CDYL: variants seen among roughly 807,000 people sequenced by gnomAD.
The protein encoded by CDYL is chromodomain Y-like protein.
CDYL carries 8 observed loss-of-function variants against 47.3 expected under a neutral mutation model. The observed-to-expected ratio is 0.17, with a 90% CI of 0.10 to 0.31. The LOEUF (loss-of-function observed/expected upper bound fraction) is 0.31, where lower values mean the gene tolerates loss of function less well. Among genes scored for constraint, CDYL ranks in the 10% least tolerant of loss-of-function variants. CDYL has a pLI of 1.00. For synonymous variants in CDYL, 266 were observed against 265.0 expected, an observed-to-expected ratio of 1.00 and a Z score of -0.04; for missense variants, 471 against 701.4, an observed-to-expected ratio of 0.67 and a Z score of 3.71.
chr6:4,820,356 G>A (rs1001825969), intron 1 of CDYL, among the ~76,000 whole-genome samples: 1 of 152,192 alleles, frequency 6.6e-6, no homozygotes, highest in Non-Finnish European at 1.5e-5. Flanking sequence ...CTGATGTTAG[G>A]CTATAAAGCT....
intron 2 of CDYL, among the ~76,000 whole-genome samples, chr6:4,897,790 G>GT (rs375666284): frequency 5.0e-5 from 7 of 140,220 alleles, no homozygotes; most frequent in African/African-American, 1.6e-4. Context: ...GAAGGTTTTT[G>GT]TTTTTTTTTT....
intron 1 of CDYL, among the ~76,000 whole-genome samples, chr6:4,817,367 A>C (rs936775179): frequency 2.0e-5 from 3 of 151,010 alleles, no homozygotes; most frequent in Non-Finnish European, 2.9e-5. Flanking sequence ...AAAAAAAAAA[A>C]AACTGTGAAA....
intron 1 of CDYL, among the ~76,000 whole-genome samples, chr6:4,778,676 T>C (rs998919911): frequency 3.3e-5 from 5 of 152,088 alleles, no homozygotes; most frequent in Admixed American, 3.3e-4. Flanking sequence ...TATTTTAGTT[T>C]TGGAAAAAAA....
At chr6:4,845,673 T>G (rs1341196541) in intron 1 of CDYL, among the ~76,000 whole-genome samples, 1 of 152,234 alleles carries the variant, frequency 6.6e-6, no homozygotes, top group Non-Finnish European at 1.5e-5. Flanking sequence ...ATAGACAGTA[T>G]GCAAACAAAT....
At chr6:4,926,765 C>T (rs1757885549) in intron 2 of CDYL, among the ~76,000 whole-genome samples, 1 of 152,234 alleles carries the variant, frequency 6.6e-6, no homozygotes, top group Admixed American at 6.5e-5. Context: ...AATAAACTCA[C>T]ATGGAAACAT....
intron 2 of CDYL, among the ~76,000 whole-genome samples, chr6:4,898,058 C>T (rs1342783520): frequency 6.6e-6 from 1 of 151,298 alleles, no homozygotes; most frequent in Non-Finnish European, 1.5e-5. Context: ...ACTGCGTCTC[C>T]ACCAAAAAAA....
upstream of CDYL, among the ~76,000 whole-genome samples, chr6:4,773,416 T>C (rs1758368448): frequency 6.6e-6 from 1 of 152,162 alleles, no homozygotes; most frequent in Non-Finnish European, 1.5e-5. The surrounding 1 kb of genome is among the most constrained non-coding windows in gnomAD (Gnocchi z 4.6). Context: ...ACTACAGAAC[T>C]TCACTGTTTC....
At chr6:4,800,783 GAGA>G (rs1201204969) in intron 1 of CDYL, among the ~76,000 whole-genome samples, 6 of 152,104 alleles carry the variant, frequency 3.9e-5, no homozygotes, top group Non-Finnish European at 4.4e-5. Flanking sequence ...AGTTTCTAAG[GAGA>G]AGTCTTTGTT....
intron 4 of CDYL, among the ~76,000 whole-genome samples, chr6:4,938,984 A>C (rs1188122887): frequency 6.6e-6 from 1 of 152,222 alleles, no homozygotes; most frequent in African/African-American, 2.4e-5. Context: ...CATCAACATG[A>C]AAGTTGGCTA....
At chr6:4,756,578 GTA>G (rs1554134030) in intron 3 of CDYL, among the ~76,000 whole-genome samples, 48 of 141,090 alleles carry the variant, frequency 3.4e-4, no homozygotes, top group South Asian at 2.1e-3. Flanking sequence ...ATTATCGTGT[GTA>G]TGTGTGTGTG....
At chr6:4,834,883 G>A (rs1760251444) in intron 1 of CDYL, among the ~76,000 whole-genome samples, 1 of 151,976 alleles carries the variant, frequency 6.6e-6, no homozygotes, top group Non-Finnish European at 1.5e-5. Flanking sequence ...TGAGGCTTCT[G>A]TATTCTTCAC....
intron 2 of CDYL, among the ~76,000 whole-genome samples, chr6:4,921,792 A>T (rs1757724447): frequency 6.6e-6 from 1 of 152,040 alleles, no homozygotes; most frequent in African/African-American, 2.4e-5. Flanking sequence ...GACATGCCAT[A>T]TACTTTTTTT....
At chr6:4,946,845 C>G (rs963308908) in intron 5 of CDYL, among the ~76,000 whole-genome samples, 16 of 152,174 alleles carry the variant, frequency 1.1e-4, no homozygotes, top group African/African-American at 3.9e-4. Flanking sequence ...TGGCACTGAC[C>G]ACAGGCTCCA....
At chr6:4,779,110 A>G (rs1266100004) in intron 1 of CDYL, among the ~76,000 whole-genome samples, 3 of 152,196 alleles carry the variant, frequency 2.0e-5, no homozygotes, top group Non-Finnish European at 4.4e-5. Flanking sequence ...CTAAAGGTAT[A>G]GAGTTGTATT....
At chr6:4,794,275 G>A (rs1759009426) in intron 1 of CDYL, among the ~76,000 whole-genome samples, 1 of 152,106 alleles carries the variant, frequency 6.6e-6, no homozygotes. Context: ...GTGGTGCACT[G>A]GAAGAAAACC....
chr6:4,899,886 G>A (rs1477282502), intron 2 of CDYL, among the ~76,000 whole-genome samples: 1 of 152,174 alleles, frequency 6.6e-6, no homozygotes, highest in Non-Finnish European at 1.5e-5. Flanking sequence ...TCTGGATAGG[G>A]AACCAAGGTT....
chr6:4,841,044 AC>A (rs1561664068), intron 1 of CDYL, among the ~76,000 whole-genome samples: 2 of 151,864 alleles, frequency 1.3e-5, no homozygotes, highest in African/African-American at 4.8e-5. Flanking sequence ...CAGGTCCTGG[AC>A]TTTTTTTTGT....
At chr6:4,885,252 C>G (rs1761870720) in intron 1 of CDYL, among the ~76,000 whole-genome samples, 1 of 152,160 alleles carries the variant, frequency 6.6e-6, no homozygotes. Context: ...CCTCAGCTTT[C>G]CAAAGTGCTG....
At chr6:4,828,618 G>A (rs952652952) in intron 1 of CDYL, among the ~76,000 whole-genome samples, 2 of 151,434 alleles carry the variant, frequency 1.3e-5, no homozygotes, top group Non-Finnish European at 2.9e-5. Context: ...AGCTTATTCG[G>A]CTTGGAATTG....
Sources: allele counts gnomAD v4.1 joint callset (sites outside exome capture counted in the v4.1 genomes callset), GRCh38; gene constraint gnomAD v4.1.1; non-coding constraint Gnocchi (gnomAD v3.1); transcripts MANE v1.5; gene names NCBI Gene and HGNC (gene_info 2026-07-23, HGNC 2026-07-21).